The following TET2 variants were observed in gnomAD, a reference collection of about 807,000 sequenced individuals.
The protein encoded by TET2 is tet methylcytosine dioxygenase 2, also known as methylcytosine dioxygenase TET2.
In TET2, 299 loss-of-function variants were observed where a neutral mutation model predicts 142.9. The ratio of observed to expected loss-of-function variants is 2.09; its 90% CI spans 1.90 to 2.30. The LOEUF is 2.30. TET2 is among the 30% of genes most tolerant of loss of function. The pLI, the probability that TET2 is intolerant of heterozygous loss-of-function variation, is 0.00. For missense variants in TET2, 2,418 were observed against 2,378.0 expected (o/e 1.02, Z -0.35); for synonymous variants, 819 against 849.0 (o/e 0.96, Z 0.61).
At chr4:105,164,214 A>G (rs1724033821) in intron 1 of TET2, among the ~76,000 whole-genome samples, 1 of 152,190 alleles carries the variant, frequency 6.6e-6, no homozygotes, top group South Asian at 2.1e-4. Context: ...AGCCCATGGC[A>G]ACCACCATGT....
rs966769054 is a variant in TET2, at chr4:105,279,154, A to G, written c.*2635A>G. Reference sequence around the variant, plus strand: ...ATGATTTTAATGTTTTTTGTATACCATAATATCTAGCCCCAAACATTTGAT... The same window carrying G: ...ATGATTTTAATGTTTTTTGTATACCGTAATATCTAGCCCCAAACATTTGAT... On this transcript the variant is annotated 3_prime_UTR_variant, in exon 11 of 11. Transcript: ENST00000380013. 2.2e-5 allele frequency: 5 copies of G among 232,370 alleles called. No homozygotes were observed. The highest frequency in any genetic ancestry group is 1.1e-4 in the African/African-American group (5 of 45,312). The allele number at this position is 232,370 out of a possible 1,614,324, so 14.4% of individuals were successfully genotyped here. A position where few individuals can be genotyped will look rare whatever the true frequency, so the allele number is the denominator to read the frequency against.
At chr4:105,208,481 T>C (rs1726959231) in intron 2 of TET2, among the ~76,000 whole-genome samples, 3 of 152,186 alleles carry the variant, frequency 2.0e-5, no homozygotes, top group South Asian at 2.1e-4. Flanking sequence ...TTTATTTTCA[T>C]CATCTAATTA....
chr4:105,186,619 G>A (rs1725472878), intron 1 of TET2, among the ~76,000 whole-genome samples: 1 of 151,594 alleles, frequency 6.6e-6, no homozygotes, highest in Non-Finnish European at 1.5e-5. Flanking sequence ...CTACAGGCTT[G>A]CACCACCATG....
chr4:105,236,013 ACTGAAAAACTT>A lies in TET2; in HGVS notation c.2072_2082del (p.Thr691AsnfsTer17). On this transcript the variant is annotated frameshift_variant, in exon 3 of 11. Transcript: ENST00000380013. LOFTEE classifies it high-confidence loss of function. ...TTTTCAACAAAGAGCAGATTCCCAA[ACTGAAAAACTT>A]ATGTCCCCAGTGTTGAAACAGCACT... is the stretch of plus-strand genomic sequence containing the variant. The A allele has an allele frequency of 6.2e-7, 1 of 1,614,154 alleles. No individual in the cohort carries two copies. Among genetic ancestry groups the A allele is most frequent in the Non-Finnish European group, 8.5e-7 (1 of 1,180,024 alleles).
Position 105,272,630 on chromosome 4 carries a change from G to T in TET2, c.4249G>T (p.Val1417Phe), listed in dbSNP as rs749210253. 2 of 1,551,174 alleles carry T rather than the reference G, an allele frequency of 1.3e-6. No homozygotes were observed. The highest frequency in any genetic ancestry group is 8.7e-7 in the Non-Finnish European group (1 of 1,146,874). The change falls in exon 10 of 11, where the codon GTT becomes TTT. Residue 1417 changes from valine to phenylalanine, a missense_variant. Val to Phe is a conservative substitution (Grantham distance 50). Transcript: ENST00000380013. ...AAAACCTGAGGATGAGCAGCTTCAC[G>T]TTCTGCCTTTATACAAAGTCTCTGA... ...GGKPEDEQLH[V>F]LPLYKVSDVD...
chr4:105,254,416 A>G (rs1730020618), intron 6 of TET2, among the ~76,000 whole-genome samples: 1 of 152,056 alleles, frequency 6.6e-6, no homozygotes, highest in Non-Finnish European at 1.5e-5. Flanking sequence ...TTTCTTTATT[A>G]TCCTTTGTTT....
chr4:105,175,004 GAACTGAGA>G (rs1271567603), intron 1 of TET2, among the ~76,000 whole-genome samples: 1 of 152,162 alleles, frequency 6.6e-6, no homozygotes, highest in Non-Finnish European at 1.5e-5. Context: ...GGGCCTAGGG[GAACTGAGA>G]AAACTGGTGA....
chr4:105,181,693 A>G (rs1465261264), intron 1 of TET2, among the ~76,000 whole-genome samples: 4 of 152,236 alleles, frequency 2.6e-5, no homozygotes. Flanking sequence ...TAGGCAATCA[A>G]CTTGTAAGTA....
intron 6 of TET2, among the ~76,000 whole-genome samples, chr4:105,247,003 A>G (rs1729614934): frequency 6.6e-6 from 1 of 152,194 alleles, no homozygotes. Flanking sequence ...TGTATCTGTC[A>G]TCATAAGGAA....
At chr4:105,225,369 C>CT (rs374555049) in intron 2 of TET2, among the ~76,000 whole-genome samples, 251 of 152,228 alleles carry the variant, frequency 1.6e-3, no homozygotes, top group African/African-American at 5.8e-3. Flanking sequence ...AAATTGCGCT[C>CT]TATGAGTTTT....
intron 1 of TET2, among the ~76,000 whole-genome samples, chr4:105,158,429 T>C (rs191816470): frequency 1.3e-5 from 2 of 152,320 alleles, no homozygotes; most frequent in Admixed American, 6.5e-5. Context: ...GTAAAAGATA[T>C]AATGAATGTA....
At chr4:105,232,986 T>A (rs372586376) in intron 2 of TET2, among the ~76,000 whole-genome samples, 11 of 152,216 alleles carry the variant, frequency 7.2e-5, no homozygotes, top group African/African-American at 2.6e-4. Flanking sequence ...AAAGAGAATA[T>A]GACATCAGAT....
In TET2 at chr4:105,247,664, A is replaced by G. The variant is rs115976757; in HGVS notation, c.3803+3886A>G. On this transcript the variant is annotated intron_variant, in intron 6 of 10. Coordinates refer to ENST00000380013, the MANE Select transcript of TET2 (RefSeq NM_001127208.3). ...TTTGTTTACTTTAACCTATTCCTCTATCCCCAGTATCTTCTGTGGACTGGT... is the reference window on the plus strand; with the variant it reads ...TTTGTTTACTTTAACCTATTCCTCTGTCCCCAGTATCTTCTGTGGACTGGT... Among the ~76,000 whole-genome samples the G allele has an allele frequency of 6.6e-3, 833 of 126,426 alleles. 11 individuals carry two copies. The highest frequency in any genetic ancestry group is 0.024 in the African/African-American group (803 of 33,362). The allele number at this position is 126,426 out of a possible 152,430, so 82.9% of individuals were successfully genotyped here.
chr4:105,215,778 T>C (rs1243224344), intron 2 of TET2, among the ~76,000 whole-genome samples: 6 of 152,128 alleles, frequency 3.9e-5, no homozygotes, highest in Non-Finnish European at 7.4e-5. Context: ...CATTGAAACA[T>C]GGGAAAGAGT....
At position 105,261,849 on chromosome 4, in the gene TET2, G is replaced by T. The variant is rs1201585856; in HGVS notation, c.4044+1G>T. 6.5e-7 allele frequency: 1 copy of T among 1,527,422 alleles called. No individual in the cohort carries two copies. The highest frequency in any genetic ancestry group is 8.9e-7 in the Non-Finnish European group (1 of 1,128,086). 94.6% of individuals were successfully genotyped at this position (1,527,422 alleles called of 1,614,324 possible). A position where few individuals can be genotyped will look rare whatever the true frequency, so the allele number is the denominator to read the frequency against. ...TGCACCTGATGCATATAATAATCAG[G>T]TAAGTTTAAATAATCATTGGCAGCA... On this transcript the variant is annotated splice_donor_variant, in intron 8 of 10. Transcript: ENST00000380013. LOFTEE classifies it high-confidence loss of function.
In TET2 at chr4:105,236,743, G is replaced by T. The variant is rs1406291692; in HGVS notation, c.2801G>T (p.Gly934Val). 6.2e-7 allele frequency: 1 copy of T among 1,613,994 alleles called. No individual in the cohort carries two copies. Among genetic ancestry groups the T allele is most frequent in the African/African-American group, 1.3e-5 (1 of 74,926 alleles). The change falls in exon 3 of 11, where the codon GGA becomes GTA. Residue 934 changes from glycine (G) to valine (V), a missense_variant. Gly to Val is a moderately radical substitution (Grantham distance 109). Transcript: ENST00000380013. ...AATGTTTTTCCTGTGCCTGACCAGG[G>T]AGGAAGTCACACTCAGACCCCTCCC... ...HANVFPVPDQ[G>V]GSHTQTPPQK...
At chr4:105,268,254 T>C (rs1161940790) in intron 8 of TET2, among the ~76,000 whole-genome samples, 1 of 152,182 alleles carries the variant, frequency 6.6e-6, no homozygotes, top group Non-Finnish European at 1.5e-5. Flanking sequence ...CAAGTGTATT[T>C]TTATATACTA....
intron 9 of TET2, among the ~76,000 whole-genome samples, chr4:105,271,981 A>G (rs1056876419): frequency 4.6e-5 from 7 of 152,156 alleles, no homozygotes; most frequent in African/African-American, 1.7e-4. Context: ...ATTAAGTTGC[A>G]TATTACCTGT....
chr4:105,181,505 A>G (rs1725119386), intron 1 of TET2, among the ~76,000 whole-genome samples: 1 of 152,238 alleles, frequency 6.6e-6, no homozygotes, highest in Non-Finnish European at 1.5e-5. Flanking sequence ...CAGGACAATC[A>G]ACAACAAATT....
Sources: allele counts gnomAD v4.1 joint callset (sites outside exome capture counted in the v4.1 genomes callset), GRCh38; gene constraint gnomAD v4.1.1; transcripts MANE v1.5; gene names NCBI Gene and HGNC (gene_info 2026-07-23, HGNC 2026-07-21).